The following CEP83 variants were observed in gnomAD, a reference collection of about 807,000 sequenced individuals.
CEP83 encodes centrosomal protein 83.
A neutral mutation model predicts 101.9 loss-of-function variants in CEP83; 70 were observed. The observed-to-expected ratio is 0.69, with a 90% CI of 0.57 to 0.84. CEP83 has a LOEUF of 0.84. Among genes scored for constraint, CEP83 ranks in the 40% least tolerant of loss-of-function variants. CEP83 has a pLI of 0.00. For missense variants in CEP83, 715 were observed against 787.2 expected (o/e 0.91, Z 1.10); for synonymous variants, 264 against 267.9 (o/e 0.99, Z 0.14).
intron 11 of CEP83, among the ~76,000 whole-genome samples, chr12:94,354,261 G>A (rs1448377052): frequency 6.6e-6 from 1 of 151,988 alleles, no homozygotes; most frequent in Non-Finnish European, 1.5e-5. Flanking sequence ...CACAATCTCG[G>A]CTCACTGTAA....
At chr12:94,437,910 T>C (rs2066112767) in intron 1 of CEP83, among the ~76,000 whole-genome samples, 2 of 152,140 alleles carry the variant, frequency 1.3e-5, no homozygotes, top group Admixed American at 1.3e-4. Context: ...GTAAATTGCC[T>C]AAATGTTCCA....
intron 2 of CEP83, among the ~76,000 whole-genome samples, chr12:94,417,791 AATACATAC>A (rs58871460): frequency 0.039 from 5,976 of 151,664 alleles, 137 homozygotes; most frequent in Non-Finnish European, 0.056. Context: ...CCATCTCAAA[AATACATAC>A]ATACATACAT....
intron 11 of CEP83, among the ~76,000 whole-genome samples, chr12:94,338,167 T>C (rs182094663): frequency 1.4e-4 from 22 of 152,134 alleles, no homozygotes; most frequent in African/African-American, 4.6e-4. Context: ...AGAATAAAGA[T>C]AAAAGAATGC....
chr12:94,294,881 G>A, the CEP83 span, among the ~76,000 whole-genome samples: 1 of 152,158 alleles, frequency 6.6e-6, no homozygotes, highest in Non-Finnish European at 1.5e-5. Flanking sequence ...AACTGAGAGG[G>A]AAGAGTACAG....
the CEP83 span, among the ~76,000 whole-genome samples, chr12:94,286,093 C>T: frequency 1.3e-5 from 2 of 152,174 alleles, no homozygotes; most frequent in African/African-American, 2.4e-5. Context: ...AGACATCGGC[C>T]GTGCTAGACA....
intron 11 of CEP83, among the ~76,000 whole-genome samples, chr12:94,363,119 C>T (rs949994956): frequency 9.2e-5 from 14 of 152,208 alleles, no homozygotes. Flanking sequence ...TACAGCACTA[C>T]AGACTGACTA....
intron 1 of CEP83, among the ~76,000 whole-genome samples, chr12:94,447,472 T>C (rs142000801): frequency 6.2e-4 from 94 of 152,052 alleles, no homozygotes; most frequent in African/African-American, 2.2e-3. Context: ...ACTATTGCAC[T>C]CCAGCCTGGA....
chr12:94,433,921 A>T (rs1171312301), intron 2 of CEP83: 1 of 152,244 alleles, frequency 6.6e-6, no homozygotes, highest in Non-Finnish European at 1.5e-5. Context: ...CATAAGAATG[A>T]GGAATCCTGT....
chr12:94,389,496 C>T (rs10128868), intron 6 of CEP83, among the ~76,000 whole-genome samples: 39,182 of 152,072 alleles, frequency 0.26, 5,241 homozygotes, highest in South Asian at 0.33. Flanking sequence ...CAATAGGAGA[C>T]GGTTGGTCCA....
the CEP83 span, chr12:94,297,375 C>T: frequency 7.4e-5 from 119 of 1,613,956 alleles, no homozygotes; most frequent in South Asian, 1.3e-3. Context: ...GAGGGAAGCA[C>T]AAGTTCAAAG....
intron 2 of CEP83, chr12:94,423,745 T>C (rs1435665366): frequency 1.9e-6 from 3 of 1,612,722 alleles, no homozygotes; most frequent in African/African-American, 1.3e-5. Context: ...ATCCCACTGT[T>C]ACTTGTTGAA....
At chr12:94,428,332 C>T (rs1285868257) in intron 2 of CEP83, among the ~76,000 whole-genome samples, 1 of 152,166 alleles carries the variant, frequency 6.6e-6, no homozygotes, top group Non-Finnish European at 1.5e-5. Flanking sequence ...CACTTAGCAC[C>T]TCTGTGTGAG....
intron 11 of CEP83, 26 bp from the exon 12 acceptor site, chr12:94,335,690 CATT>C: frequency 7.1e-7 from 1 of 1,414,642 alleles, no homozygotes; most frequent in Non-Finnish European, 9.8e-7. Context: ...CAACAAAAGG[CATT>C]ATTAAGAATC....
At chr12:94,377,166 A>G (rs954998901) in intron 7 of CEP83, among the ~76,000 whole-genome samples, 1 of 152,224 alleles carries the variant, frequency 6.6e-6, no homozygotes, top group Non-Finnish European at 1.5e-5. Flanking sequence ...AACCCATCAC[A>G]AATTGAAAAT....
intron 6 of CEP83, among the ~76,000 whole-genome samples, chr12:94,382,968 C>T (rs1372998620): frequency 6.6e-6 from 1 of 151,996 alleles, no homozygotes; most frequent in Non-Finnish European, 1.5e-5. Flanking sequence ...GGTATGAAGT[C>T]ACCAACTATA....
At chr12:94,414,480 A>T (rs1204625867) in intron 2 of CEP83, among the ~76,000 whole-genome samples, 1 of 152,240 alleles carries the variant, frequency 6.6e-6, no homozygotes, top group East Asian at 1.9e-4. Context: ...CTAATAGATG[A>T]TTACTCACTG....
chr12:94,279,529 A>C, the CEP83 span: 2 of 1,614,210 alleles, frequency 1.2e-6, no homozygotes, highest in Non-Finnish European at 1.7e-6. Context: ...TGTCTGTCGG[A>C]ATATTTCAGT....
chr12:94,380,480 G>A (rs140122960), intron 6 of CEP83, among the ~76,000 whole-genome samples: 308 of 152,108 alleles, frequency 2.0e-3, no homozygotes, highest in African/African-American at 6.7e-3. Context: ...TTCCTCCCAC[G>A]CTTTACAAAT....
At chr12:94,421,972 C>T (rs1444682661) in intron 2 of CEP83, among the ~76,000 whole-genome samples, 4 of 152,178 alleles carry the variant, frequency 2.6e-5, no homozygotes, top group Admixed American at 1.3e-4. Flanking sequence ...AATAAAGAAA[C>T]CAATATGCTT....
Sources: gnomAD v4.1 joint callset for allele counts (sites outside exome capture counted in the v4.1 genomes callset) on GRCh38, gnomAD v4.1.1 for gene constraint, MANE v1.5 for transcripts, NCBI Gene and HGNC (gene_info 2026-07-23, HGNC 2026-07-21) for gene names.